ACOX3: variants seen among roughly 807,000 people sequenced by gnomAD.
ACOX3 encodes peroxisomal acyl-coenzyme A oxidase 3.
Under a neutral mutation model 81.5 loss-of-function variants are expected in ACOX3, and 73 were observed. That is an observed-to-expected ratio of 0.90 (90% CI 0.74 to 1.09). The LOEUF (loss-of-function observed/expected upper bound fraction) is 1.09, where lower values mean the gene tolerates loss of function less well. ACOX3 is among the 50% of genes least tolerant of loss of function. The probability of loss-of-function intolerance (pLI) is 0.00; values close to 1 mark genes in which losing one functional copy is unlikely to be tolerated. For synonymous variants in ACOX3, 387 were observed against 375.1 expected (o/e 1.03, Z -0.37); for missense variants, 947 against 928.0 (o/e 1.02, Z -0.27).
Position 8,419,121 on chromosome 4 carries a change from C to A in ACOX3, c.-14-2586G>T, listed in dbSNP as rs1317860308. On this transcript the variant is annotated intron_variant, in intron 1 of 17. Transcript: ENST00000356406. This position sits in a 1 kb window ranked among gnomAD's most constrained non-coding sequence, Gnocchi z 4.2. The stretch of plus-strand genomic sequence containing the variant: ...TTTGAGACCAGCCTGGGTGATACAG[C>A]AAGACCTTATCTCTTAAAGAACCAG... Among the ~76,000 whole-genome samples, 2 of 151,994 alleles carry A rather than the reference C, an allele frequency of 1.3e-5. No homozygotes were observed. Among genetic ancestry groups the A allele is most frequent in the Admixed American group, 6.6e-5 (1 of 15,260 alleles).
At position 8,437,681 on chromosome 4, in the gene ACOX3, G is replaced by T. The variant is rs1270032130; in HGVS notation, c.-15+2967C>A. Among the ~76,000 whole-genome samples the T allele has an allele frequency of 1.3e-5, 2 of 152,242 alleles. No individual in the cohort carries two copies. The highest frequency in any genetic ancestry group is 2.9e-5 in the Non-Finnish European group (2 of 68,036). ...GGCAAGGATTCGAGAGCCGGCCAAGGCTAGAGAGACATTAATGTGTGAGAT... is the reference window on the plus strand; with the variant it reads ...GGCAAGGATTCGAGAGCCGGCCAAGTCTAGAGAGACATTAATGTGTGAGAT... On this transcript the variant is annotated intron_variant, in intron 1 of 17. Coordinates refer to ENST00000356406, the MANE Select transcript of ACOX3 (RefSeq NM_003501.3). The surrounding 1 kb of genome is among the most constrained non-coding windows in gnomAD (Gnocchi z 5.2).
At position 8,389,803 on chromosome 4, in the gene ACOX3, G is replaced by T; in HGVS notation, c.1301-69C>A. ...TGAGAAGCAGCCTGTCACTATGTGA[G>T]AATTTAAAAAGCCTTAAGAGGCTGG... On this transcript the variant is annotated intron_variant, in intron 11 of 17. Transcript: ENST00000356406. The surrounding 1 kb of genome is among the most constrained non-coding windows in gnomAD (Gnocchi z 5.3). 3.1e-6 allele frequency: 5 copies of T among 1,591,232 alleles called. No individual in the cohort carries two copies. Among genetic ancestry groups the T allele is most frequent in the Non-Finnish European group, 3.4e-6 (4 of 1,169,002 alleles).
At position 8,399,971 on chromosome 4, in the gene ACOX3, G is replaced by T. The variant is rs369630166; in HGVS notation, c.777-319C>A. Among the ~76,000 whole-genome samples, 4 of 152,176 alleles carry T rather than the reference G, an allele frequency of 2.6e-5. No individual in the cohort carries two copies. The East Asian group carries it at 7.7e-4, about 29-fold the overall frequency. ...AAATGTAGGTTAAAAAATAGGCTGG[G>T]TGTGGTGGCTTACGCCTGTAATCCC... On this transcript the variant is annotated intron_variant, in intron 7 of 17. Coordinates refer to ENST00000356406, the MANE Select transcript of ACOX3 (RefSeq NM_003501.3). The surrounding 1 kb of genome is among the most constrained non-coding windows in gnomAD (Gnocchi z 4.9).
intron 1 of ACOX3, among the ~76,000 whole-genome samples, chr4:8,427,479 G>C (rs1447918204): frequency 6.6e-6 from 1 of 152,204 alleles, no homozygotes; most frequent in Non-Finnish European, 1.5e-5. Flanking sequence ...GGTGTCCACT[G>C]CGCTTCTGAT....
At position 8,381,391 on chromosome 4, in the gene ACOX3, C is replaced by A. The variant is rs1717629209; in HGVS notation, c.1653+101G>T. ...GCCCAAGGTCACGGGAGCTCGGGGT[C>A]TGGGGCCTGAATTGCCAGGATGTTC... On this transcript the variant is annotated intron_variant, in intron 14 of 17. Transcript: ENST00000356406. The surrounding 1 kb of genome is among the most constrained non-coding windows in gnomAD (Gnocchi z 4.3). The A allele has an allele frequency of 3.8e-6, 4 of 1,059,710 alleles. No individual in the cohort carries two copies. The Admixed American group carries it at 7.7e-5, about 20-fold the overall frequency. The allele number at this position is 1,059,710 out of a possible 1,614,324, so 65.6% of individuals were successfully genotyped here.
At position 8,366,609 on chromosome 4, in the gene ACOX3, T is replaced by A. The variant is rs1715472921; in HGVS notation, c.*352A>T. The A allele has an allele frequency of 5.6e-6, 1 of 180,162 alleles. No homozygotes were observed. The highest frequency in any genetic ancestry group is 1.3e-4 in the South Asian group (1 of 7,434). 11.2% of individuals were successfully genotyped at this position (180,162 alleles called of 1,614,324 possible). A position where few individuals can be genotyped will look rare whatever the true frequency, so the allele number is the denominator to read the frequency against. ...AAATCTAGATGAATCACAGGTTGTCTGACCAGAAGATCCCTGACAATGGGC... is the reference window on the plus strand; with the variant it reads ...AAATCTAGATGAATCACAGGTTGTCAGACCAGAAGATCCCTGACAATGGGC... On this transcript the variant is annotated 3_prime_UTR_variant, in exon 18 of 18. Transcript: ENST00000356406.
intron 13 of ACOX3, among the ~76,000 whole-genome samples, chr4:8,383,141 G>A (rs1360475395): frequency 2.6e-5 from 4 of 152,218 alleles, no homozygotes; most frequent in African/African-American, 4.8e-5. Flanking sequence ...AGGCTCACAC[G>A]TCAGGCGGCT....
intron 1 of ACOX3, among the ~76,000 whole-genome samples, chr4:8,421,698 CTG>C (rs1722966149): frequency 6.6e-6 from 1 of 152,238 alleles, no homozygotes; most frequent in South Asian, 2.1e-4. Flanking sequence ...AAGCTCTACG[CTG>C]TGTCCTTAAG....
chr4:8,440,684 C>G lies in ACOX3; in HGVS notation c.-51G>C. ...ACAGTTCAACCCCTGCCAGGGAAACCAAAAGCAGGAAAGGATCTCCAGCGG... is the reference window on the plus strand; with the variant it reads ...ACAGTTCAACCCCTGCCAGGGAAACGAAAAGCAGGAAAGGATCTCCAGCGG... On this transcript the variant is annotated 5_prime_UTR_variant, in exon 1 of 18. Coordinates refer to ENST00000356406, the MANE Select transcript of ACOX3 (RefSeq NM_003501.3). 2 of 1,148,140 alleles carry G rather than the reference C, an allele frequency of 1.7e-6. No individual in the cohort carries two copies. Among genetic ancestry groups the G allele is most frequent in the Non-Finnish European group, 2.3e-6 (2 of 864,488 alleles). 71.1% of individuals were successfully genotyped at this position (1,148,140 alleles called of 1,614,324 possible).
chr4:8,399,536 ACGG>A lies in ACOX3; in HGVS notation c.873+17_873+19del. Reference sequence around the variant, plus strand: ...GGCACCTGGGAAGCACGGCACACGAACGGCCCCCCATGCCTGTACCTTAAAGGG... The same window carrying A: ...GGCACCTGGGAAGCACGGCACACGAACCCCCCATGCCTGTACCTTAAAGGG... On this transcript the variant is annotated intron_variant, in intron 8 of 17. Coordinates refer to ENST00000356406, the MANE Select transcript of ACOX3 (RefSeq NM_003501.3). This position sits in a 1 kb window ranked among gnomAD's most constrained non-coding sequence, Gnocchi z 4.9. The A allele has an allele frequency of 6.3e-7, 1 of 1,596,394 alleles. No individual in the cohort carries two copies. Among genetic ancestry groups the A allele is most frequent in the Non-Finnish European group, 8.6e-7 (1 of 1,164,344 alleles).
Position 8,370,604 on chromosome 4 carries a change from G to A in ACOX3, c.1983+304C>T, listed in dbSNP as rs1295788153. Among the ~76,000 whole-genome samples the A allele has an allele frequency of 6.6e-6, 1 of 151,796 alleles. No individual in the cohort carries two copies. Among genetic ancestry groups the A allele is most frequent in the Non-Finnish European group, 1.5e-5 (1 of 67,910 alleles). ...CCGGGGAGGCCGGGGGGAGTGGGAG[G>A]AGGGCAGAGGTCACAGTGTGTGGAC... On this transcript the variant is annotated intron_variant, in intron 17 of 17. Coordinates refer to ENST00000356406, the MANE Select transcript of ACOX3 (RefSeq NM_003501.3). This position sits in a 1 kb window ranked among gnomAD's most constrained non-coding sequence, Gnocchi z 6.3.
chr4:8,372,800 C>G (rs1031438562), intron 16 of ACOX3, among the ~76,000 whole-genome samples: 2 of 152,250 alleles, frequency 1.3e-5, no homozygotes, highest in African/African-American at 4.8e-5. Flanking sequence ...TGCAGCAGCA[C>G]TCAGTCCAGT....
intron 1 of ACOX3, among the ~76,000 whole-genome samples, chr4:8,428,899 A>G (rs933055867): frequency 6.6e-6 from 1 of 151,912 alleles, no homozygotes; most frequent in African/African-American, 2.4e-5. Flanking sequence ...ACATAGTAAG[A>G]CCCGGCATGC....
In ACOX3 at chr4:8,430,257, G is replaced by A. The variant is rs916459175; in HGVS notation, c.-15+10391C>T. On this transcript the variant is annotated intron_variant, in intron 1 of 17. Transcript: ENST00000356406. The surrounding 1 kb of genome is among the most constrained non-coding windows in gnomAD (Gnocchi z 5.2). ...AAGGAAGGGACTGAAAGATCATTTC[G>A]GGCCTGGCAGGTACCCTGCTAAGCA... Among the ~76,000 whole-genome samples, 4 of 152,204 alleles carry A rather than the reference G, an allele frequency of 2.6e-5. No individual in the cohort carries two copies. The highest frequency in any genetic ancestry group is 7.2e-5 in the African/African-American group (3 of 41,452).
chr4:8,417,282 G>A (rs1181001723), intron 1 of ACOX3, among the ~76,000 whole-genome samples: 1 of 152,262 alleles, frequency 6.6e-6, no homozygotes, highest in Admixed American at 6.5e-5. Flanking sequence ...TTAAGGCCTA[G>A]AGGAAAGAGG....
At chr4:8,391,304 C>T (rs1718973202) in intron 11 of ACOX3, among the ~76,000 whole-genome samples, 1 of 152,126 alleles carries the variant, frequency 6.6e-6, no homozygotes, top group South Asian at 2.1e-4. Flanking sequence ...TGCTAACAGC[C>T]CATGCTGGAA....
chr4:8,415,773 T>C lies in ACOX3; in HGVS notation c.371A>G (p.His124Arg), dbSNP rs1295829517. 1 of 1,613,716 alleles carries C rather than the reference T, an allele frequency of 6.2e-7. No homozygotes were observed. Among genetic ancestry groups the C allele is most frequent in the Non-Finnish European group, 8.5e-7 (1 of 1,179,744 alleles). ...DSSLAAKYLL[H>R]SLVFGSAVYS... ...CCTAGGCCGCATGCTCACCAAGCTA[T>C]GGAGGAGGTACTTGGCAGCCAGAGA... Residue 124 changes from histidine (H) to arginine (R), a missense_variant, in exon 3 of 18, where the codon CAT becomes CGT. Physicochemically the swap from His to Arg is conservative, Grantham distance 29. Transcript: ENST00000356406.
At chr4:8,424,810 T>G (rs911581887) in intron 1 of ACOX3, among the ~76,000 whole-genome samples, 4 of 152,340 alleles carry the variant, frequency 2.6e-5, no homozygotes, top group African/African-American at 9.6e-5. Flanking sequence ...AGAGGTTTCC[T>G]TGACTGATCC....
the ACOX3 span, among the ~76,000 whole-genome samples, chr4:8,360,106 GACCTT>G: frequency 6.6e-6 from 1 of 152,226 alleles, no homozygotes; most frequent in Non-Finnish European, 1.5e-5. Flanking sequence ...TTGGGAGCTT[GACCTT>G]GTAACCATGT....
Sources: gnomAD v4.1 joint callset for allele counts (sites outside exome capture counted in the v4.1 genomes callset) on GRCh38, gnomAD v4.1.1 for gene constraint, Gnocchi (gnomAD v3.1) non-coding constraint, MANE v1.5 for transcripts, NCBI Gene and HGNC (gene_info 2026-07-23, HGNC 2026-07-21) for gene names.